KCNJ6: variants seen among roughly 807,000 people sequenced by gnomAD.
KCNJ6 encodes G protein-activated inward rectifier potassium channel 2.
In KCNJ6, 9 loss-of-function variants were observed where a neutral mutation model predicts 34.2. The observed-to-expected ratio is 0.26, with a 90% CI of 0.16 to 0.46. The LOEUF (loss-of-function observed/expected upper bound fraction) is 0.46. Ranked by LOEUF, KCNJ6 falls within the 20% of genes least tolerant of loss-of-function variation. The probability of loss-of-function intolerance (pLI) is 1.00; values close to 1 mark genes in which losing one functional copy is unlikely to be tolerated. For synonymous variants in KCNJ6, 196 were observed against 207.1 expected (o/e 0.95, Z 0.46); for missense variants, 236 against 531.3 (o/e 0.44, Z 5.46).
intron 1 of KCNJ6, among the ~76,000 whole-genome samples, chr21:37,862,139 G>A (rs1225465310): frequency 6.6e-6 from 1 of 152,230 alleles, no homozygotes; most frequent in East Asian, 1.9e-4. Flanking sequence ...ATCGCCAGTG[G>A]TTGGAATTCT....
intron 2 of KCNJ6, among the ~76,000 whole-genome samples, chr21:37,817,248 G>A (rs1410654399): frequency 1.3e-5 from 2 of 152,156 alleles, no homozygotes; most frequent in South Asian, 4.1e-4. Context: ...AGGTGGCCTG[G>A]GTTTGAATCC....
At chr21:37,638,879 C>A (rs923358515) in intron 3 of KCNJ6, among the ~76,000 whole-genome samples, 1 of 152,226 alleles carries the variant, frequency 6.6e-6, no homozygotes, top group African/African-American at 2.4e-5. Context: ...TCTCAACAAC[C>A]TGTATATGTA....
chr21:37,724,667 C>T (rs1484560705), intron 2 of KCNJ6, among the ~76,000 whole-genome samples: 1 of 152,100 alleles, frequency 6.6e-6, no homozygotes, highest in East Asian at 1.9e-4. Flanking sequence ...TTCGTTTGGG[C>T]ATATTCAGTT....
intron 1 of KCNJ6, among the ~76,000 whole-genome samples, chr21:37,858,770 T>TG (rs2055578123): frequency 6.6e-6 from 1 of 152,050 alleles, no homozygotes; most frequent in African/African-American, 2.4e-5. Context: ...AAATTCTCCA[T>TG]GGGTTTTTTT....
At chr21:37,849,928 C>T (rs918616892) in intron 1 of KCNJ6, among the ~76,000 whole-genome samples, 5 of 152,084 alleles carry the variant, frequency 3.3e-5, no homozygotes, top group African/African-American at 7.2e-5. Flanking sequence ...AAGGGTAAAA[C>T]GAAATACCAA....
intron 1 of KCNJ6, among the ~76,000 whole-genome samples, chr21:37,859,383 C>T (rs1365609734): frequency 6.7e-6 from 1 of 150,278 alleles, no homozygotes; most frequent in Non-Finnish European, 1.5e-5. Flanking sequence ...TGGAAGGATA[C>T]ACAAGAAACT....
intron 1 of KCNJ6, among the ~76,000 whole-genome samples, chr21:37,902,843 G>GACATCT (rs2055823416): frequency 6.6e-6 from 1 of 152,128 alleles, no homozygotes; most frequent in South Asian, 2.1e-4. Context: ...CAATGACCTG[G>GACATCT]ACATCTAACT....
intron 3 of KCNJ6, among the ~76,000 whole-genome samples, chr21:37,647,410 T>C (rs1044301484): frequency 1.1e-4 from 16 of 152,184 alleles, no homozygotes; most frequent in African/African-American, 3.9e-4. Flanking sequence ...GTCTTAACCA[T>C]GTCTTTTATT....
Position 37,894,879 on chromosome 21 carries a change from T to C in KCNJ6, c.-28+21005A>G, listed in dbSNP as rs145932263. Reference sequence around the variant, plus strand: ...GATAATTACAGTCTCACCAGTTTTTTTTTAAAGAATCTAGAGATGTCCACT... The same window carrying C: ...GATAATTACAGTCTCACCAGTTTTTCTTTAAAGAATCTAGAGATGTCCACT... On this transcript the variant is annotated intron_variant, in intron 1 of 3. Coordinates refer to ENST00000609713, the MANE Select transcript of KCNJ6 (RefSeq NM_002240.5). 1.3e-3 allele frequency among the ~76,000 whole-genome samples: 200 copies of C among 152,308 alleles called. 1 individual carries two copies. The highest frequency in any genetic ancestry group is 4.4e-3 in the African/African-American group (183 of 41,560).
Position 37,713,517 on chromosome 21 carries a change from TA to T in KCNJ6, c.946+693del, listed in dbSNP as rs201279623. The stretch of plus-strand genomic sequence containing the variant: ...TTTCAGACATGAGCGAAGACGTCAG[TA>T]AAAACAGACCATTTTCTCTATTTCC... On this transcript the variant is annotated intron_variant, in intron 3 of 3. Transcript: ENST00000609713. Among the ~76,000 whole-genome samples the T allele has an allele frequency of 9.6e-3, 1,465 of 152,282 alleles. 21 individuals carry two copies. Among genetic ancestry groups the T allele is most frequent in the East Asian group, 0.027 (138 of 5,182 alleles).
At chr21:37,745,105 T>G in intron 2 of KCNJ6, among the ~76,000 whole-genome samples, 1 of 41,196 alleles carries the variant, frequency 2.4e-5, no homozygotes, top group East Asian at 8.3e-4. Context: ...TTTTTTTTTT[T>G]TTTTTGACAG....
chr21:37,744,683 C>T (rs1032760251), intron 2 of KCNJ6, among the ~76,000 whole-genome samples: 1 of 152,112 alleles, frequency 6.6e-6, no homozygotes, highest in Non-Finnish European at 1.5e-5. Flanking sequence ...AATTTATCTC[C>T]TATGCAATGT....
chr21:37,629,809 T>C (rs2054326006), intron 3 of KCNJ6, among the ~76,000 whole-genome samples: 1 of 152,198 alleles, frequency 6.6e-6, no homozygotes, highest in Admixed American at 6.5e-5. Flanking sequence ...CGTAGTGCCA[T>C]TTGAAGAGGA....
At chr21:37,756,197 G>A (rs1003394985) in intron 2 of KCNJ6, among the ~76,000 whole-genome samples, 1 of 152,210 alleles carries the variant, frequency 6.6e-6, no homozygotes, top group Admixed American at 6.5e-5. Flanking sequence ...TTTAGGACCT[G>A]TGCTGGACCT....
chr21:37,831,246 T>C (rs1568864602), intron 2 of KCNJ6, among the ~76,000 whole-genome samples: 1 of 152,240 alleles, frequency 6.6e-6, no homozygotes, highest in Non-Finnish European at 1.5e-5. Flanking sequence ...TACCAGCTTT[T>C]CAGAGGAGCA....
intron 3 of KCNJ6, among the ~76,000 whole-genome samples, chr21:37,632,315 G>C (rs541028417): frequency 8.9e-5 from 13 of 146,340 alleles, no homozygotes; most frequent in Non-Finnish European, 1.8e-4. Flanking sequence ...ATGGAAATTT[G>C]ATAGTACTTA....
At chr21:37,713,511 C>T (rs2835909) in intron 3 of KCNJ6, among the ~76,000 whole-genome samples, 51,221 of 151,896 alleles carry the variant, frequency 0.34, 9,058 homozygotes, top group East Asian at 0.43. Context: ...TGAGCGAAGA[C>T]GTCAGTAAAA....
intron 3 of KCNJ6, among the ~76,000 whole-genome samples, chr21:37,681,161 A>G (rs62810662): frequency 6.7e-6 from 1 of 148,542 alleles, no homozygotes; most frequent in African/African-American, 2.5e-5. Context: ...AGAATAAAAA[A>G]GGTTCGGTTC....
At chr21:37,859,532 A>ATATATATACATAT (rs1568875152) in intron 1 of KCNJ6, among the ~76,000 whole-genome samples, 1 of 77,826 alleles carries the variant, frequency 1.3e-5, no homozygotes, top group African/African-American at 7.5e-5. Flanking sequence ...TATATATATA[A>ATATATATACATAT]AATACTTAAA....
Sources: gnomAD v4.1 joint callset for allele counts (sites outside exome capture counted in the v4.1 genomes callset) on GRCh38, gnomAD v4.1.1 for gene constraint, MANE v1.5 for transcripts, NCBI Gene and HGNC (gene_info 2026-07-23, HGNC 2026-07-21) for gene names.